The following ECT2L variants were observed in gnomAD, a reference collection of about 807,000 sequenced individuals.
The protein encoded by ECT2L is epithelial cell-transforming sequence 2 oncogene-like.
A neutral mutation model predicts 122.8 loss-of-function variants in ECT2L; 126 were observed. The observed-to-expected ratio is 1.03, with a 90% CI of 0.89 to 1.19. The LOEUF is 1.19. Ranked by LOEUF, ECT2L falls within the 50% of genes most tolerant of loss-of-function variation. The pLI is 0.00. For synonymous variants in ECT2L, 385 were observed against 381.8 expected (o/e 1.01, Z -0.10); for missense variants, 1,012 against 1,064.1 (o/e 0.95, Z 0.68).
intron 4 of ECT2L, among the ~76,000 whole-genome samples, chr6:138,837,641 C>CAA (rs56775844): frequency 0.024 from 3,451 of 142,730 alleles, 55 homozygotes; most frequent in Middle Eastern, 0.055. Context: ...GCACTGGTCT[C>CAA]AAAAAAAAAA....
intron 1 of ECT2L, among the ~76,000 whole-genome samples, chr6:138,802,410 C>T (rs1184678579): frequency 6.6e-6 from 1 of 152,172 alleles, no homozygotes; most frequent in African/African-American, 2.4e-5. Flanking sequence ...ATTTGTTACA[C>T]AGCATTAAAT....
chr6:138,888,851 A>G (rs1326603872), intron 19 of ECT2L, 92 bp from the exon 20 acceptor site: 3 of 450,742 alleles, frequency 6.7e-6, no homozygotes, highest in Non-Finnish European at 1.1e-5. Context: ...TTTAGTTAAC[A>G]TTTGCATATT....
At chr6:138,860,460 T>C (rs1188988346) in intron 10 of ECT2L, among the ~76,000 whole-genome samples, 2 of 152,182 alleles carry the variant, frequency 1.3e-5, no homozygotes, top group Non-Finnish European at 2.9e-5. Flanking sequence ...TATGTGTACA[T>C]TGGACTCTCT....
intron 4 of ECT2L, among the ~76,000 whole-genome samples, chr6:138,829,691 G>A (rs9403006): frequency 0.057 from 8,683 of 151,848 alleles, 357 homozygotes; most frequent in East Asian, 0.2. Flanking sequence ...CCACATTTAG[G>A]GACATAGAGT....
At chr6:138,883,637 C>G (rs1211973167) in intron 16 of ECT2L, among the ~76,000 whole-genome samples, 1 of 152,178 alleles carries the variant, frequency 6.6e-6, no homozygotes, top group South Asian at 2.1e-4. Context: ...ATTCCTTCTA[C>G]CCCACCCAGG....
intron 16 of ECT2L, among the ~76,000 whole-genome samples, chr6:138,883,991 G>A (rs1778726124): frequency 2.0e-5 from 3 of 152,118 alleles, no homozygotes; most frequent in Admixed American, 2.0e-4. Flanking sequence ...AGCCTACCAA[G>A]TATCTAGGAC....
chr6:138,885,613 C>T lies in ECT2L; in HGVS notation c.2102+34C>T, dbSNP rs374723021. The T allele has an allele frequency of 6.6e-5, 107 of 1,614,020 alleles. No homozygotes were observed. In the African/African-American group the frequency reaches 1.3e-3, roughly 20 times the overall value. On this transcript the variant is annotated intron_variant, in intron 17 of 21. Transcript: ENST00000541398. ...TGAGGGAGAGCACAGCAGGGGTCCC[C>T]CCAGAGAGGGCATTCCTGGGCCTTC... is the stretch of plus-strand genomic sequence containing the variant.
intron 13 of ECT2L, among the ~76,000 whole-genome samples, chr6:138,869,328 A>G (rs1398277965): frequency 1.3e-5 from 2 of 152,198 alleles, no homozygotes; most frequent in Non-Finnish European, 2.9e-5. Flanking sequence ...TTCCACCATC[A>G]TAATTCTGCT....
chr6:138,802,135 T>A (rs941817349), intron 1 of ECT2L, among the ~76,000 whole-genome samples: 1 of 152,212 alleles, frequency 6.6e-6, no homozygotes, highest in African/African-American at 2.4e-5. Context: ...GAGGCCCACA[T>A]GGGAGGGGAG....
Position 138,843,002 on chromosome 6 carries a change from C to T in ECT2L, c.366C>T (p.Cys122=), listed in dbSNP as rs181857808. The change falls in exon 6 of 22, where the codon TGC becomes TGT. Residue 122 remains cysteine, a synonymous_variant. Coordinates refer to ENST00000541398, the MANE Select transcript of ECT2L (RefSeq NM_001077706.3). ...TEQDCLWMPK[C]VKFGWFLPYT... is the part of the protein sequence containing the mutation. The stretch of plus-strand genomic sequence containing the variant: ...AGGATTGCTTATGGATGCCCAAATG[C>T]GTTAAGTTCGGATGGTTTCTGCCCT... 219 of 1,544,026 alleles carry T rather than the reference C, an allele frequency of 1.4e-4. No homozygotes were observed. In the East Asian group the frequency reaches 4.2e-3, roughly 30 times the overall value.
intron 4 of ECT2L, among the ~76,000 whole-genome samples, chr6:138,831,472 C>G (rs1231649428): frequency 1.3e-5 from 2 of 152,234 alleles, no homozygotes; most frequent in Non-Finnish European, 2.9e-5. Context: ...TCACCTTCAT[C>G]CAGCTCCTCA....
At chr6:138,821,900 G>C (rs1453550275) in intron 4 of ECT2L, among the ~76,000 whole-genome samples, 2 of 152,230 alleles carry the variant, frequency 1.3e-5, no homozygotes, top group African/African-American at 4.8e-5. Context: ...GTTTGAAGAC[G>C]GAGGAAGAGG....
chr6:138,855,837 A>G (rs1036822432), intron 10 of ECT2L, among the ~76,000 whole-genome samples: 1 of 152,244 alleles, frequency 6.6e-6, no homozygotes, highest in Non-Finnish European at 1.5e-5. Flanking sequence ...TACTTTTATA[A>G]TAGAACAAAG....
chr6:138,856,546 C>T (rs990083581), intron 10 of ECT2L, among the ~76,000 whole-genome samples: 6 of 152,176 alleles, frequency 3.9e-5, no homozygotes, highest in Admixed American at 2.6e-4. Flanking sequence ...CCAGCCTACA[C>T]ACTCCAACTT....
In ECT2L at chr6:138,891,406, G is replaced by A. The variant is rs113782916; in HGVS notation, c.2414+2375G>A. The stretch of plus-strand genomic sequence containing the variant: ...CAGCTGAGAGTATGTTATCTTTTAA[G>A]GTCTGATAAGAGACATTTACCATCT... On this transcript the variant is annotated intron_variant, in intron 20 of 21. Coordinates refer to ENST00000541398, the MANE Select transcript of ECT2L (RefSeq NM_001077706.3). 1.2e-3 allele frequency among the ~76,000 whole-genome samples: 181 copies of A among 152,204 alleles called. 1 individual carries two copies. In the Middle Eastern group the frequency reaches 0.017, roughly 14 times the overall value.
intron 5 of ECT2L, among the ~76,000 whole-genome samples, chr6:138,841,003 A>C (rs909971128): frequency 7.9e-5 from 12 of 152,084 alleles, no homozygotes; most frequent in African/African-American, 2.4e-4. Flanking sequence ...CCTATCTTTC[A>C]GTTTACTAAT....
At chr6:138,812,408 A>G (rs1269551635) in intron 1 of ECT2L, among the ~76,000 whole-genome samples, 1 of 152,268 alleles carries the variant, frequency 6.6e-6, no homozygotes, top group Non-Finnish European at 1.5e-5. Context: ...TTTGCTTTGC[A>G]GCAATAAATA....
chr6:138,818,272 A>G (rs938475679), intron 4 of ECT2L, among the ~76,000 whole-genome samples: 1 of 152,196 alleles, frequency 6.6e-6, no homozygotes, highest in East Asian at 1.9e-4. Context: ...CCATCAGAGC[A>G]GACTTGAAAT....
At chr6:138,897,375 T>A (rs973012805) in intron 20 of ECT2L, among the ~76,000 whole-genome samples, 1 of 152,206 alleles carries the variant, frequency 6.6e-6, no homozygotes, top group African/African-American at 2.4e-5. Context: ...ACAGTATAAG[T>A]ATTCACATAG....
Sources: allele counts gnomAD v4.1 joint callset (sites outside exome capture counted in the v4.1 genomes callset), GRCh38; gene constraint gnomAD v4.1.1; transcripts MANE v1.5; gene names NCBI Gene and HGNC (gene_info 2026-07-23, HGNC 2026-07-21).